TEX264: variants seen among roughly 807,000 people sequenced by gnomAD.
The protein encoded by TEX264 is testis expressed 264, ER-phagy receptor.
TEX264 carries 13 observed loss-of-function variants against 23.4 expected under a neutral mutation model. The ratio of observed to expected loss-of-function variants is 0.56; its 90% CI spans 0.36 to 0.88. The LOEUF (loss-of-function observed/expected upper bound fraction) is 0.88. TEX264 is among the 40% of genes least tolerant of loss of function. The pLI, the probability that TEX264 is intolerant of heterozygous loss-of-function variation, is 0.01. For missense variants in TEX264, 340 were observed against 406.8 expected, an observed-to-expected ratio of 0.84 and a Z score of 1.41; for synonymous variants, 159 against 170.0, an observed-to-expected ratio of 0.94 and a Z score of 0.50.
At position 51,684,515 on chromosome 3, in the gene TEX264, A is replaced by G. The variant is rs1448212281; in HGVS notation, c.361A>G (p.Lys121Glu). The part of the protein sequence containing the change: ...LIDLYQKFGF[K>E]VFSFPAPSHV... ...CGACCTCTACCAGAAATTTGGCTTC[A>G]AGGTGTTCTCCTTCCCGGCACCCAG... Residue 121 changes from lysine to glutamate, a missense_variant, in exon 3 of 5, where the codon AAG becomes GAG. Lys to Glu is a moderately conservative substitution (Grantham distance 56, BLOSUM62 1). Coordinates refer to ENST00000341333, the MANE Select transcript of TEX264 (RefSeq NM_015926.6). 1.9e-6 allele frequency: 3 copies of G among 1,614,020 alleles called. No homozygotes were observed. Among genetic ancestry groups the G allele is most frequent in the Non-Finnish European group, 2.5e-6 (3 of 1,180,032 alleles).
At chr3:51,702,755 C>T (rs1703359492) in intron 4 of TEX264, among the ~76,000 whole-genome samples, 1 of 152,232 alleles carries the variant, frequency 6.6e-6, no homozygotes, top group African/African-American at 2.4e-5. Flanking sequence ...TTCCTCCTTG[C>T]CACCCCAGCC....
chr3:51,688,623 G>A (rs189884635), intron 3 of TEX264, among the ~76,000 whole-genome samples: 13 of 152,162 alleles, frequency 8.5e-5, no homozygotes, highest in Non-Finnish European at 1.6e-4. Context: ...CCAAGTTTAG[G>A]GTGTTACAGG....
At position 51,700,162 on chromosome 3, in the gene TEX264, A is replaced by G. The variant is rs115531534; in HGVS notation, c.649+588A>G. Among the ~76,000 whole-genome samples, 452 of 152,224 alleles carry G rather than the reference A, an allele frequency of 3.0e-3. 3 individuals carry two copies. The highest frequency in any genetic ancestry group is 0.01 in the African/African-American group (430 of 41,542). On this transcript the variant is annotated intron_variant, in intron 4 of 4. Coordinates refer to ENST00000341333, the MANE Select transcript of TEX264 (RefSeq NM_015926.6). Reference sequence around the variant, plus strand: ...CTCAAGGCCCCAGGTCCAGGCTGGAAGGCTGCTTGCCTGCCCACCCCTCTG... The same window carrying G: ...CTCAAGGCCCCAGGTCCAGGCTGGAGGGCTGCTTGCCTGCCCACCCCTCTG...
At chr3:51,674,231 GT>G in intron 1 of TEX264, 39 bp from the exon 2 acceptor site, 1 of 1,593,156 alleles carries the variant, frequency 6.3e-7, no homozygotes, top group Non-Finnish European at 8.6e-7. Context: ...CATTGTCAGA[GT>G]AGGCTACCAG....
chr3:51,695,999 G>T (rs1412067467), intron 3 of TEX264, among the ~76,000 whole-genome samples: 1 of 152,180 alleles, frequency 6.6e-6, no homozygotes, highest in Non-Finnish European at 1.5e-5. Flanking sequence ...TCTGAATCCA[G>T]TTTCTGGCAG....
At chr3:51,676,049 A>G (rs1017549780) in intron 2 of TEX264, among the ~76,000 whole-genome samples, 2 of 152,196 alleles carry the variant, frequency 1.3e-5, no homozygotes, top group African/African-American at 2.4e-5. Flanking sequence ...TTGCAGTCAC[A>G]TGGCCAGGAG....
intron 3 of TEX264, among the ~76,000 whole-genome samples, chr3:51,687,708 T>C (rs1386608168): frequency 6.6e-6 from 1 of 151,998 alleles, no homozygotes; most frequent in Non-Finnish European, 1.5e-5. Flanking sequence ...CTCACCAGCC[T>C]CTCCAGAGGC....
At chr3:51,689,285 C>T (rs1702738641) in intron 3 of TEX264, among the ~76,000 whole-genome samples, 1 of 151,758 alleles carries the variant, frequency 6.6e-6, no homozygotes, top group Admixed American at 6.6e-5. Flanking sequence ...AAAAAATTAG[C>T]TGGGCGTGGT....
At position 51,703,973 on chromosome 3, in the gene TEX264, AGTGGCTCTGGGAGCCCACT is replaced by A. The variant is rs779265036; in HGVS notation, c.901_919del (p.Trp301ProfsTer?). The A allele has an allele frequency of 6.4e-7, 1 of 1,562,610 alleles. No homozygotes were observed. Among genetic ancestry groups the A allele is most frequent in the Non-Finnish European group, 8.7e-7 (1 of 1,149,838 alleles). ...GGGACTGAGCCCCTGGGGACTACCA[AGTGGCTCTGGGAGCCCACT>A]GCCCCTGAGAAGGGCAAGGAGTAAC... is the stretch of plus-strand genomic sequence containing the variant. On this transcript the variant is annotated frameshift_variant, in exon 5 of 5. Transcript: ENST00000341333. LOFTEE classifies it high-confidence loss of function. The surrounding 1 kb of genome is among the most constrained non-coding windows in gnomAD (Gnocchi z 4.8).
At chr3:51,694,294 T>A (rs1702973396) in intron 3 of TEX264, among the ~76,000 whole-genome samples, 1 of 151,788 alleles carries the variant, frequency 6.6e-6, no homozygotes, top group Non-Finnish European at 1.5e-5. Context: ...CCACACCTGG[T>A]TAATTTTTGT....
At chr3:51,699,248 G>A (rs1703189997) in intron 3 of TEX264, among the ~76,000 whole-genome samples, 158 bp from the exon 4 acceptor site, 1 of 152,172 alleles carries the variant, frequency 6.6e-6, no homozygotes, top group African/African-American at 2.4e-5. Flanking sequence ...TGATCTATGT[G>A]TGCCTCCCTC....
chr3:51,678,587 G>A (rs745668081), intron 2 of TEX264, among the ~76,000 whole-genome samples: 88 of 152,216 alleles, frequency 5.8e-4, no homozygotes, highest in Middle Eastern at 3.2e-3. Flanking sequence ...GCATGGAGTG[G>A]GTTGGGGAAC....
chr3:51,687,530 A>C (rs1463320024), intron 3 of TEX264, among the ~76,000 whole-genome samples: 1 of 152,172 alleles, frequency 6.6e-6, no homozygotes, highest in Non-Finnish European at 1.5e-5. Flanking sequence ...ACAGCTTTTA[A>C]CTGTGTGTGC....
At chr3:51,674,689 C>T in intron 2 of TEX264, 127 bp downstream of exon 2, 2 of 1,128,938 alleles carry the variant, frequency 1.8e-6, no homozygotes, top group Non-Finnish European at 2.5e-6. Flanking sequence ...CAGACCCCTC[C>T]TCTATGAGCT....
intron 2 of TEX264, 75 bp downstream of exon 2, chr3:51,674,637 G>C: frequency 6.4e-7 from 1 of 1,553,748 alleles, no homozygotes; most frequent in South Asian, 1.2e-5. Flanking sequence ...GGGTAGTTTT[G>C]GTTGCTGAGG....
chr3:51,694,602 C>T (rs1702985631), intron 3 of TEX264: 1 of 152,216 alleles, frequency 6.6e-6, no homozygotes, highest in Non-Finnish European at 1.5e-5. Flanking sequence ...CATACTTGGG[C>T]AAATTGAGGG....
intron 3 of TEX264, among the ~76,000 whole-genome samples, chr3:51,696,007 C>T (rs1157735194): frequency 6.6e-6 from 1 of 152,164 alleles, no homozygotes; most frequent in East Asian, 1.9e-4. Flanking sequence ...CAGTTTCTGG[C>T]AGACCCTGGG....
At chr3:51,685,842 G>A (rs1320158482) in intron 3 of TEX264, among the ~76,000 whole-genome samples, 1 of 152,226 alleles carries the variant, frequency 6.6e-6, no homozygotes, top group Non-Finnish European at 1.5e-5. Context: ...AGCGGCTATA[G>A]AGCTGTGGAC....
In TEX264 at chr3:51,704,042, G is replaced by A. The variant is rs749031253; in HGVS notation, c.*26G>A. 7 of 1,449,536 alleles carry A rather than the reference G, an allele frequency of 4.8e-6. No homozygotes were observed. The African/African-American group carries it at 9.9e-5, about 21-fold the overall frequency. 89.8% of individuals were successfully genotyped at this position (1,449,536 alleles called of 1,614,324 possible). On this transcript the variant is annotated 3_prime_UTR_variant, in exon 5 of 5. Coordinates refer to ENST00000341333, the MANE Select transcript of TEX264 (RefSeq NM_015926.6). ...CCCATGGCCTGCACCCTCCTGCAGTGCAGTTGCTGAGGAACTGAGCAGACT... is the reference window on the plus strand; with the variant it reads ...CCCATGGCCTGCACCCTCCTGCAGTACAGTTGCTGAGGAACTGAGCAGACT...
Sources: allele counts gnomAD v4.1 joint callset (sites outside exome capture counted in the v4.1 genomes callset), GRCh38; gene constraint gnomAD v4.1.1; non-coding constraint Gnocchi (gnomAD v3.1); transcripts MANE v1.5; gene names NCBI Gene and HGNC (gene_info 2026-07-23, HGNC 2026-07-21).